Variants in RNF213 observed in about 807,000 individuals in gnomAD.
The protein encoded by RNF213 is E3 ubiquitin-protein ligase RNF213.
A neutral mutation model predicts 514.4 loss-of-function variants in RNF213; 341 were observed. That is an observed-to-expected ratio of 0.66 (90% CI 0.61 to 0.73). RNF213 has a LOEUF of 0.73. RNF213 is among the 30% of genes least tolerant of loss of function. The probability of loss-of-function intolerance (pLI) is 0.00; values close to 1 mark genes in which losing one functional copy is unlikely to be tolerated. For synonymous variants in RNF213, 2,655 were observed against 2,658.2 expected (o/e 1.00, Z 0.04); for missense variants, 5,767 against 6,615.6 (o/e 0.87, Z 4.45).
At chr17:80,349,020 C>T (rs7224493) in intron 29 of RNF213, among the ~76,000 whole-genome samples, 3 of 152,014 alleles carry the variant, frequency 2.0e-5, no homozygotes, top group Non-Finnish European at 4.4e-5. Context: ...CCGCTGGAAC[C>T]GTACAAAGGA....
intron 2 of RNF213, among the ~76,000 whole-genome samples, chr17:80,272,346 TTC>T (rs2043852899): frequency 6.6e-6 from 1 of 151,980 alleles, no homozygotes; most frequent in Non-Finnish European, 1.5e-5. Flanking sequence ...TAGCTCACAG[TTC>T]TGCAGACTGA....
In RNF213 at chr17:80,345,591, T is replaced by C; in HGVS notation, c.7256T>C (p.Met2419Thr). 1 of 1,613,910 alleles carries C rather than the reference T, an allele frequency of 6.2e-7. No homozygotes were observed. Among genetic ancestry groups the C allele is most frequent in the Admixed American group, 1.7e-5 (1 of 60,012 alleles). ...CGGTGTGGGATCCCGGTTATCATCA[T>C]GGGAGAAACTGGCTGTGGGAAAACC... is the stretch of plus-strand genomic sequence containing the variant. The part of the protein sequence containing the change: ...RFRCGIPVII[M>T]GETGCGKTRL... Residue 2419 changes from methionine (M) to threonine (T), a missense_variant, in exon 29 of 68, where the codon ATG becomes ACG. Physicochemically the swap from Met to Thr is moderately conservative, Grantham distance 81. Around this residue, in one of 13 missense-constraint regions of RNF213, gnomAD observed 1,377 missense variants for 1,635.2 expected, o/e 0.84. Coordinates refer to ENST00000582970, the MANE Select transcript of RNF213 (RefSeq NM_001256071.3). The surrounding 1 kb of genome is among the most constrained non-coding windows in gnomAD (Gnocchi z 6.0).
chr17:80,374,398 G>C (rs2079655925), intron 49 of RNF213, 60 bp from the exon 50 acceptor site: 2 of 1,610,642 alleles, frequency 1.2e-6, no homozygotes, highest in Admixed American at 1.7e-5. Flanking sequence ...TACCCGTTCA[G>C]ACGGTTCTTT....
Position 80,343,369 on chromosome 17 carries a change from CGTG to C in RNF213, c.6183+47_6183+49del. 6.5e-7 allele frequency: 1 copy of C among 1,538,616 alleles called. No individual in the cohort carries two copies. ...CAGCCGATGGCCACATCAGTAAAGACGTGGTCCCCATGTCTCTGCGTGACTCCT... is the reference window on the plus strand; with the variant it reads ...CAGCCGATGGCCACATCAGTAAAGACGTCCCCATGTCTCTGCGTGACTCCT... On this transcript the variant is annotated intron_variant, in intron 27 of 67. Coordinates refer to ENST00000582970, the MANE Select transcript of RNF213 (RefSeq NM_001256071.3). This position sits in a 1 kb window ranked among gnomAD's most constrained non-coding sequence, Gnocchi z 4.3.
chr17:80,360,303 GAATTTTGGAGTTTTTAGTTTTCA>G (rs773870708), intron 38 of RNF213, 97 bp downstream of exon 38: 6 of 1,384,748 alleles, frequency 4.3e-6, no homozygotes, highest in Non-Finnish European at 6.0e-6. Flanking sequence ...ATTGCAAGGT[GAATTTTGGAGTTTTTAGTTTTCA>G]CACTTTGTTT....
At chr17:80,380,793 GC>G in intron 55 of RNF213, 37 bp from the exon 56 acceptor site, 1 of 1,613,922 alleles carries the variant, frequency 6.2e-7, no homozygotes. Flanking sequence ...AAAGCGGCCA[GC>G]CTCAGCCTCT....
At chr17:80,285,396 G>A (rs910536252) in intron 3 of RNF213, among the ~76,000 whole-genome samples, 4 of 152,196 alleles carry the variant, frequency 2.6e-5, no homozygotes, top group Admixed American at 6.5e-5. Context: ...GCAGCTGGCC[G>A]GGCAGGGACG....
At chr17:80,375,949 C>T in intron 51 of RNF213, 79 bp downstream of exon 51, 1 of 1,094,380 alleles carries the variant, frequency 9.1e-7, no homozygotes. Context: ...AAGTTATCAA[C>T]ACAAATCATA....
Position 80,349,887 on chromosome 17 carries a change from T to G in RNF213, c.10069T>G (p.Ser3357Ala), listed in dbSNP as rs1043949308. ...GCTGCAGCAGTTTGACACCGAGTAC[T>G]CATTCCTCAAAGAAGTCCGGTGAGG... ...LWLQQFDTEY[S>A]FLKEVRNCLT... Residue 3357 changes from serine (S) to alanine (A), a missense_variant, in exon 30 of 68, where the codon TCA becomes GCA. By Grantham distance (99) the Ser-to-Ala change is moderately conservative. Transcript: ENST00000582970. 1 of 1,613,772 alleles carries G rather than the reference T, an allele frequency of 6.2e-7. No homozygotes were observed. The highest frequency in any genetic ancestry group is 1.3e-5 in the African/African-American group (1 of 74,932).
In RNF213 at chr17:80,395,355, C is replaced by T. The variant is rs1013371073; in HGVS notation, c.*1857C>T. On this transcript the variant is annotated 3_prime_UTR_variant, in exon 68 of 68. Coordinates refer to ENST00000582970, the MANE Select transcript of RNF213 (RefSeq NM_001256071.3). ...AGAGCTTCTATTTATGGCACATAGACATCAGCTAGGCTTTTGGGAATCGTT... is the reference window on the plus strand; with the variant it reads ...AGAGCTTCTATTTATGGCACATAGATATCAGCTAGGCTTTTGGGAATCGTT... The T allele has an allele frequency of 6.6e-6, 1 of 152,178 alleles. No individual in the cohort carries two copies. The highest frequency in any genetic ancestry group is 6.5e-5 in the Admixed American group (1 of 15,276). The allele number at this position is 152,178 out of a possible 1,614,324, so 9.4% of individuals were successfully genotyped here.
intron 5 of RNF213, among the ~76,000 whole-genome samples, chr17:80,289,315 C>T (rs980636403): frequency 2.0e-5 from 3 of 152,138 alleles, no homozygotes; most frequent in Non-Finnish European, 4.4e-5. Context: ...CTGGGCCAGG[C>T]GCGGTAGCTC....
At chr17:80,358,566 CG>C in intron 37 of RNF213, 87 bp downstream of exon 37, 2 of 1,266,862 alleles carry the variant, frequency 1.6e-6, no homozygotes, top group Non-Finnish European at 2.3e-6. Context: ...CTGGGTGAAA[CG>C]CAGCCCTCAA....
rs2079676893 is a variant in RNF213, at chr17:80,374,743, G to A, written c.13074+154G>A. On this transcript the variant is annotated intron_variant, in intron 50 of 67. Transcript: ENST00000582970. ...GAAGTCACGTGCCCACAGCCTCCAG[G>A]GCGCACCTGGCTAGTGTGCGTGAAC... 14 of 846,532 alleles carry A rather than the reference G, an allele frequency of 1.7e-5. No individual in the cohort carries two copies. In the Admixed American group the frequency reaches 2.9e-4, roughly 17 times the overall value. The allele number at this position is 846,532 out of a possible 1,614,324, so 52.4% of individuals were successfully genotyped here. A position where few individuals can be genotyped will look rare whatever the true frequency, so the allele number is the denominator to read the frequency against.
At position 80,363,676 on chromosome 17, in the gene RNF213, C is replaced by A; in HGVS notation, c.11636C>A (p.Pro3879His). The A allele has an allele frequency of 3.7e-6, 6 of 1,614,114 alleles. No individual in the cohort carries two copies. Among genetic ancestry groups the A allele is most frequent in the Non-Finnish European group, 5.1e-6 (6 of 1,180,020 alleles). The part of the protein sequence containing the change: ...MLTRNTLKPS[P>H]QAWLQLVKNL... ...ACAAGAAACACCCTGAAGCCCAGTC[C>A]CCAGGCGTGGCTACAGTTGGTGAAG... Residue 3879 changes from proline (P) to histidine (H), a missense_variant, in exon 41 of 68, where the codon CCC becomes CAC. This residue lies in a region of RNF213 where 355 missense variants were observed against 358.0 expected (regional missense o/e 0.99). Coordinates refer to ENST00000582970, the MANE Select transcript of RNF213 (RefSeq NM_001256071.3).
chr17:80,337,365 G>A (rs1452413163), intron 23 of RNF213: 6 of 556,870 alleles, frequency 1.1e-5, no homozygotes, highest in Non-Finnish European at 1.9e-5. Flanking sequence ...TGGAGGAAAC[G>A]TGGAACAGCG....
chr17:80,283,222 C>T (rs777654230), intron 3 of RNF213, among the ~76,000 whole-genome samples: 43 of 152,084 alleles, frequency 2.8e-4, no homozygotes, highest in Non-Finnish European at 2.5e-4. Context: ...CCAGGGCACT[C>T]GGCCAGTCCT....
At position 80,336,263 on chromosome 17, in the gene RNF213, G is replaced by A; in HGVS notation, c.4412G>A (p.Gly1471Asp). The part of the protein sequence containing the change: ...RVACFHDAVQ[G>D]YASLLFKLDP... ...GCCTGCTTCCATGACGCTGTGCAGG[G>A]CTACGCATCCCTGCTATTTAAGCTG... The change falls in exon 23 of 68, where the codon GGC becomes GAC. Residue 1471 changes from glycine to aspartate, a missense_variant. This residue lies in a region of RNF213 where 1,377 missense variants were observed against 1,635.2 expected (regional missense o/e 0.84). Coordinates refer to ENST00000582970, the MANE Select transcript of RNF213 (RefSeq NM_001256071.3). The A allele has an allele frequency of 1.3e-6, 2 of 1,537,228 alleles. No homozygotes were observed. The highest frequency in any genetic ancestry group is 2.4e-5 in the East Asian group (1 of 40,910).
rs552292342 is a variant in RNF213 at position 80,317,984 on chromosome 17, G to A, written c.2901+707G>A. The stretch of plus-strand genomic sequence containing the variant: ...TGGCTCTCCATGGAGAGGGGAGCTG[G>A]AGAGGGGATGGGTCAGGTGGGGAAT... On this transcript the variant is annotated intron_variant, in intron 16 of 67. Coordinates refer to ENST00000582970, the MANE Select transcript of RNF213 (RefSeq NM_001256071.3). This position sits in a 1 kb window ranked among gnomAD's most constrained non-coding sequence, Gnocchi z 4.1. 2.0e-5 allele frequency among the ~76,000 whole-genome samples: 3 copies of A among 152,280 alleles called. No individual in the cohort carries two copies. The highest frequency in any genetic ancestry group is 7.2e-5 in the African/African-American group (3 of 41,546).
Position 80,380,901 on chromosome 17 carries a change from G to A in RNF213, c.13711G>A (p.Asp4571Asn), listed in dbSNP as rs760468444. ...GCAGCGGAGAGACGTGGTGACATGTGACCGAGGGCTGCCCCCAGTGGTCTT... is the reference window on the plus strand; with the variant it reads ...GCAGCGGAGAGACGTGGTGACATGTAACCGAGGGCTGCCCCCAGTGGTCTT... ...NPQRRDVVTC[D>N]RGLPPVVFLL... The change falls in exon 56 of 68, where the codon GAC becomes AAC. Residue 4571 changes from aspartate (D) to asparagine (N), a missense_variant. Coordinates refer to ENST00000582970, the MANE Select transcript of RNF213 (RefSeq NM_001256071.3). 6.8e-6 allele frequency: 11 copies of A among 1,614,078 alleles called. No individual in the cohort carries two copies. Among genetic ancestry groups the A allele is most frequent in the Non-Finnish European group, 9.3e-6 (11 of 1,180,054 alleles).
Sources: allele counts gnomAD v4.1 joint callset (sites outside exome capture counted in the v4.1 genomes callset), GRCh38; gene constraint gnomAD v4.1.1; regional missense constraint gnomAD v4.1.1; non-coding constraint Gnocchi (gnomAD v3.1); transcripts MANE v1.5; gene names NCBI Gene and HGNC (gene_info 2026-07-23, HGNC 2026-07-21).